The following SEMA4D variants were observed in gnomAD, a reference collection of about 807,000 sequenced individuals.
SEMA4D encodes the protein semaphorin-4D.
In SEMA4D, 22 loss-of-function variants were observed where a neutral mutation model predicts 74.8. The observed-to-expected ratio is 0.29, with a 90% CI of 0.21 to 0.42. The LOEUF (loss-of-function observed/expected upper bound fraction) is 0.42. SEMA4D is among the 10% of genes least tolerant of loss of function. SEMA4D has a pLI of 1.00. For missense variants in SEMA4D, 937 were observed against 1,118.4 expected (o/e 0.84, Z 2.31); for synonymous variants, 445 against 463.7 (o/e 0.96, Z 0.52).
intron 2 of SEMA4D, among the ~76,000 whole-genome samples, chr9:89,452,832 C>T (rs1198989539): frequency 6.6e-6 from 1 of 152,234 alleles, no homozygotes; most frequent in African/African-American, 2.4e-5. Context: ...TGTCTCTAGA[C>T]TGCATGGCTT....
At chr9:89,375,107 C>T (rs1241908085), downstream of SEMA4D, among the ~76,000 whole-genome samples, 1 of 152,194 alleles carries the variant, frequency 6.6e-6, no homozygotes, top group Non-Finnish European at 1.5e-5. Flanking sequence ...AGCCTGCCTG[C>T]ATCTGCCCGC....
intron 2 of SEMA4D, among the ~76,000 whole-genome samples, chr9:89,414,277 C>T (rs1253081812): frequency 6.6e-6 from 1 of 152,202 alleles, no homozygotes; most frequent in African/African-American, 2.4e-5. Flanking sequence ...ATTACCTGGA[C>T]CCCTGACCTC....
At position 89,450,660 on chromosome 9, in the gene SEMA4D, G is replaced by GGAAAAAAAAAAAAAAAAAAAAAAAAAAA. The variant is rs1491451024; in HGVS notation, c.-244+5227_-244+5228insTTTTTTTTTTTTTTTTTTTTTTTTTTTC. On this transcript the variant is annotated intron_variant, in intron 2 of 15. Coordinates refer to ENST00000422704, the MANE Select transcript of SEMA4D (RefSeq NM_001371194.2). ...GAGTTCTGCAAGTCGAAAAACCCAGGAAAAAAAAAAAAAAAAAAAAAAAAA... is the reference window on the plus strand; with the variant it reads ...GAGTTCTGCAAGTCGAAAAACCCAGGGAAAAAAAAAAAAAAAAAAAAAAAAAAAAAAAAAAAAAAAAAAAAAAAAAAAA... The GGAAAAAAAAAAAAAAAAAAAAAAAAAAA allele has an allele frequency of 1.6e-4, 67 of 430,456 alleles. 7 individuals are homozygous for GGAAAAAAAAAAAAAAAAAAAAAAAAAAA. The highest frequency in any genetic ancestry group is 1.1e-3 in the African/African-American group (20 of 18,132). The allele number at this position is 430,456 out of a possible 1,614,324, so 26.7% of individuals were successfully genotyped here. A position where few individuals can be genotyped will look rare whatever the true frequency, so the allele number is the denominator to read the frequency against.
chr9:89,389,042 G>A lies in SEMA4D; in HGVS notation c.780C>T (p.Asp260=). 1 of 1,614,068 alleles carries A rather than the reference G, an allele frequency of 6.2e-7. No homozygotes were observed. The part of the protein sequence containing the change: ...IPRIARVCKG[D]QGGLRTLQKK... ...TCTGCAAGGTCCTCAGGCCGCCCTG[G>A]TCCCCCTAAAACCCCAACAAGAAGA... The change falls in exon 10 of 16, where the codon GAC becomes GAT. Residue 260 remains aspartate (D), a synonymous_variant. Coordinates refer to ENST00000422704, the MANE Select transcript of SEMA4D (RefSeq NM_001371194.2).
chr9:89,389,769 T>C (rs1839397349), intron 9 of SEMA4D, among the ~76,000 whole-genome samples: 1 of 152,354 alleles, frequency 6.6e-6, no homozygotes, highest in African/African-American at 2.4e-5. Context: ...TCCCCCTTCA[T>C]CTCTGCTGTG....
intron 1 of SEMA4D, among the ~76,000 whole-genome samples, chr9:89,485,782 C>T (rs1825136468): frequency 1.0e-5 from 1 of 100,428 alleles, no homozygotes; most frequent in African/African-American, 3.9e-5. Context: ...GAGCAAAACT[C>T]CATCTCAAAA....
intron 2 of SEMA4D, among the ~76,000 whole-genome samples, chr9:89,454,207 C>A (rs528421047): frequency 6.6e-6 from 1 of 152,280 alleles, no homozygotes; most frequent in African/African-American, 2.4e-5. Context: ...CCAAGGCACC[C>A]CTGAGGCAGT....
At chr9:89,458,382 A>G (rs1856456780) in intron 1 of SEMA4D, among the ~76,000 whole-genome samples, 1 of 152,136 alleles carries the variant, frequency 6.6e-6, no homozygotes, top group East Asian at 1.9e-4. Flanking sequence ...CCTTTTCTTT[A>G]GTGGAAACTA....
chr9:89,474,816 C>G (rs545915935), intron 1 of SEMA4D, among the ~76,000 whole-genome samples: 1 of 152,336 alleles, frequency 6.6e-6, no homozygotes, highest in African/African-American at 2.4e-5. Context: ...AGAGAAAGGC[C>G]AAGCTGGGTT....
At chr9:89,372,505 T>C (rs1046570963), downstream of SEMA4D, among the ~76,000 whole-genome samples, 1 of 151,870 alleles carries the variant, frequency 6.6e-6, no homozygotes, top group Non-Finnish European at 1.5e-5. Flanking sequence ...TGACAAAGCT[T>C]AGACAGCAGT....
Position 89,484,966 on chromosome 9 carries a change from G to A in SEMA4D, c.-310+12953C>T, listed in dbSNP as rs1825057365. ...GGTGTGTGTGTACTGGGTGGGTGGT[G>A]GAGGCATATGTGTGTAGTATGTTGT... On this transcript the variant is annotated intron_variant, in intron 1 of 15. Transcript: ENST00000422704. This position sits in a 1 kb window ranked among gnomAD's most constrained non-coding sequence, Gnocchi z 4.1. 6.7e-6 allele frequency among the ~76,000 whole-genome samples: 1 copy of A among 148,408 alleles called. No individual in the cohort carries two copies. Among genetic ancestry groups the A allele is most frequent in the African/African-American group, 2.5e-5 (1 of 40,434 alleles).
At chr9:89,370,723 TTGTGGGGTGTGGTGTGTG>T (rs1310740274) in intron 16 of SEMA4D, among the ~76,000 whole-genome samples, 1 of 146,256 alleles carries the variant, frequency 6.8e-6, no homozygotes, top group Non-Finnish European at 1.5e-5. Context: ...TCTATGTAGT[TTGTGGGGTGTGGTGTGTG>T]TGTGGGGTGT....
At chr9:89,418,664 T>G (rs1846218823) in intron 2 of SEMA4D, 1 of 152,578 alleles carries the variant, frequency 6.6e-6, no homozygotes. Flanking sequence ...GTCACTCCTT[T>G]GCAGTGTGGG....
At position 89,384,321 on chromosome 9, in the gene SEMA4D, T is replaced by C. The variant is rs73654772; in HGVS notation, c.1446+2046A>G. Among the ~76,000 whole-genome samples, 401 of 152,300 alleles carry C rather than the reference T, an allele frequency of 2.6e-3. 1 individual carries two copies. The highest frequency in any genetic ancestry group is 9.0e-3 in the African/African-American group (374 of 41,550). The stretch of plus-strand genomic sequence containing the variant: ...ACATACGACAGAGGAGTATGTAGCC[T>C]TGGAAAACCCTGACCCCTGCTACAG... On this transcript the variant is annotated intron_variant, in intron 13 of 15. Coordinates refer to ENST00000422704, the MANE Select transcript of SEMA4D (RefSeq NM_001371194.2).
exon 18 of SEMA4D, chr9:89,363,459 G>A (rs767796483): frequency 2.6e-5 from 42 of 1,613,846 alleles, no homozygotes; most frequent in African/African-American, 1.3e-4. Context: ...TGCATCATCC[G>A]GTCGTGCTCC....
At chr9:89,483,415 A>G (rs1443994617) in intron 1 of SEMA4D, among the ~76,000 whole-genome samples, 1 of 152,220 alleles carries the variant, frequency 6.6e-6, no homozygotes, top group Non-Finnish European at 1.5e-5. Flanking sequence ...GCTCTAAGGC[A>G]TGTCCAGCCC....
chr9:89,435,709 A>G (rs1436664885), intron 2 of SEMA4D, among the ~76,000 whole-genome samples: 1 of 152,092 alleles, frequency 6.6e-6, no homozygotes, highest in Admixed American at 6.5e-5. Context: ...TACAGGCTCC[A>G]CCTACGCCCC....
intron 2 of SEMA4D, among the ~76,000 whole-genome samples, chr9:89,443,523 A>G (rs1852144723): frequency 1.3e-5 from 2 of 152,316 alleles, no homozygotes; most frequent in South Asian, 4.1e-4. Context: ...CCCGCCCATA[A>G]TAGCCACCCG....
chr9:89,376,936 C>T (rs764976417), downstream of SEMA4D: 13 of 1,550,760 alleles, frequency 8.4e-6, no homozygotes, highest in African/African-American at 1.4e-5. Flanking sequence ...TGCTGTCGGG[C>T]CCCGCACCCG....
Sources: gnomAD v4.1 joint callset for allele counts (sites outside exome capture counted in the v4.1 genomes callset) on GRCh38, gnomAD v4.1.1 for gene constraint, Gnocchi (gnomAD v3.1) non-coding constraint, MANE v1.5 for transcripts, NCBI Gene and HGNC (gene_info 2026-07-23, HGNC 2026-07-21) for gene names.